The following MSH3 variants were observed in gnomAD, a reference collection of about 807,000 sequenced individuals.
MSH3 encodes the protein mutS homolog 3.
Under a neutral mutation model 123.3 loss-of-function variants are expected in MSH3, and 106 were observed. The observed-to-expected ratio is 0.86, with a 90% CI of 0.73 to 1.01. The LOEUF is 1.01. MSH3 is among the 50% of genes least tolerant of loss of function. The pLI, the probability that MSH3 is intolerant of heterozygous loss-of-function variation, is 0.00. For synonymous variants in MSH3, 515 were observed against 481.4 expected (o/e 1.07, Z -0.91); for missense variants, 1,459 against 1,347.6 (o/e 1.08, Z -1.29).
At chr5:80,738,024 A>G (rs1453902942) in intron 10 of MSH3, among the ~76,000 whole-genome samples, 1 of 152,224 alleles carries the variant, frequency 6.6e-6, no homozygotes, top group African/African-American at 2.4e-5. Flanking sequence ...AAAAACACCC[A>G]TAACCAACCA....
intron 12 of MSH3, among the ~76,000 whole-genome samples, chr5:80,745,955 G>A (rs1041107267): frequency 2.0e-5 from 3 of 151,676 alleles, no homozygotes; most frequent in Non-Finnish European, 4.4e-5. Context: ...GGGTTTTGCT[G>A]TTGTTTTCTT....
chr5:80,658,899 T>G (rs1330109194), intron 2 of MSH3, among the ~76,000 whole-genome samples: 2 of 152,096 alleles, frequency 1.3e-5, no homozygotes, highest in Admixed American at 6.5e-5. Context: ...ACCTGGCAAG[T>G]TTTTTGTTTT....
chr5:80,664,365 A>G (rs1561433948), intron 2 of MSH3, among the ~76,000 whole-genome samples: 1 of 152,150 alleles, frequency 6.6e-6, no homozygotes, highest in Non-Finnish European at 1.5e-5. Flanking sequence ...CGCTTGAGCT[A>G]GTAAGATTTC....
At chr5:80,866,146 T>A (rs1056581390) in intron 22 of MSH3, among the ~76,000 whole-genome samples, 14 of 152,194 alleles carry the variant, frequency 9.2e-5, no homozygotes, top group Non-Finnish European at 1.8e-4. Flanking sequence ...GATTTTAATT[T>A]TTGTGTTTTG....
intron 20 of MSH3, among the ~76,000 whole-genome samples, chr5:80,842,055 T>A (rs1403016033): frequency 1.3e-5 from 2 of 152,232 alleles, no homozygotes; most frequent in African/African-American, 4.8e-5. Flanking sequence ...CATGTAAGTA[T>A]TTAATCCATC....
At chr5:80,853,231 G>A (rs1745859758) in intron 20 of MSH3, among the ~76,000 whole-genome samples, 1 of 152,134 alleles carries the variant, frequency 6.6e-6, no homozygotes, top group Non-Finnish European at 1.5e-5. Context: ...CAGCACTTAG[G>A]GAGGCCAAGG....
At chr5:80,809,250 A>G (rs1744963875) in intron 19 of MSH3, among the ~76,000 whole-genome samples, 1 of 152,178 alleles carries the variant, frequency 6.6e-6, no homozygotes, top group Admixed American at 6.5e-5. Flanking sequence ...AAATGTATTT[A>G]GCCAATGGCT....
intron 21 of MSH3, among the ~76,000 whole-genome samples, chr5:80,859,495 A>G (rs1038332034): frequency 4.6e-5 from 7 of 152,144 alleles, no homozygotes; most frequent in African/African-American, 1.7e-4. Context: ...ACATACAGTT[A>G]GGTCTTATTT....
intron 8 of MSH3, among the ~76,000 whole-genome samples, chr5:80,692,816 AAT>A (rs1202150520): frequency 7.5e-6 from 1 of 133,324 alleles, no homozygotes; most frequent in African/African-American, 2.7e-5. Context: ...TGTTTAGATA[AAT>A]ATACATACAC....
chr5:80,841,186 A>G (rs1293136296), intron 20 of MSH3, among the ~76,000 whole-genome samples: 1 of 152,018 alleles, frequency 6.6e-6, no homozygotes, highest in Non-Finnish European at 1.5e-5. Context: ...ATAGTTTGTG[A>G]GAATGATGGT....
chr5:80,767,372 A>G (rs936705852), intron 13 of MSH3, among the ~76,000 whole-genome samples: 10 of 152,132 alleles, frequency 6.6e-5, no homozygotes, highest in African/African-American at 2.4e-4. Context: ...ACATCCTGTT[A>G]CATGGTTATT....
intron 17 of MSH3, among the ~76,000 whole-genome samples, chr5:80,786,001 G>T (rs1438888971): frequency 6.6e-6 from 1 of 151,206 alleles, no homozygotes; most frequent in Non-Finnish European, 1.5e-5. Context: ...TGGGGTGGGG[G>T]GAAGGGGGGA....
chr5:80,858,624 A>G (rs1050955794), intron 21 of MSH3, among the ~76,000 whole-genome samples: 3 of 152,154 alleles, frequency 2.0e-5, no homozygotes, highest in African/African-American at 4.8e-5. Context: ...TTTATGGCCC[A>G]AAATGTGGTC....
chr5:80,683,193 C>T (rs1362418173), intron 8 of MSH3, among the ~76,000 whole-genome samples: 1 of 152,168 alleles, frequency 6.6e-6, no homozygotes, highest in Non-Finnish European at 1.5e-5. Flanking sequence ...CTTCTATATA[C>T]TGATTTCCCT....
chr5:80,663,579 C>A (rs1650676), intron 2 of MSH3, among the ~76,000 whole-genome samples: 40,995 of 151,402 alleles, frequency 0.27, 5,751 homozygotes, highest in Middle Eastern at 0.35. Context: ...AGGAGGGAAA[C>A]TCTTTGTATA....
At chr5:80,852,631 G>C (rs890034069) in intron 20 of MSH3, among the ~76,000 whole-genome samples, 1 of 152,134 alleles carries the variant, frequency 6.6e-6, no homozygotes, top group Non-Finnish European at 1.5e-5. Context: ...ACCAGTATTC[G>C]AACTTTGAAA....
chr5:80,823,899 TTAATGAGCATGCTGCC>T (rs1309040745), intron 20 of MSH3, among the ~76,000 whole-genome samples: 1 of 152,002 alleles, frequency 6.6e-6, no homozygotes, highest in East Asian at 1.9e-4. Flanking sequence ...GTAATGACTC[TTAATGAGCATGCTGCC>T]TTCAAGCATC....
intron 19 of MSH3, among the ~76,000 whole-genome samples, chr5:80,798,692 T>C (rs1401921704): frequency 6.6e-6 from 1 of 152,244 alleles, no homozygotes; most frequent in Non-Finnish European, 1.5e-5. Context: ...ATTGTTTTCT[T>C]GTCAGTCCTT....
At chr5:80,748,691 T>TACACACAC (rs36206914) in intron 12 of MSH3, among the ~76,000 whole-genome samples, 3 of 147,360 alleles carry the variant, frequency 2.0e-5, no homozygotes, top group Admixed American at 6.8e-5. Context: ...ATTTTTTATT[T>TACACACAC]ACACACACAC....
Sources: gnomAD v4.1 joint callset for allele counts (sites outside exome capture counted in the v4.1 genomes callset) on GRCh38, gnomAD v4.1.1 for gene constraint, MANE v1.5 for transcripts, NCBI Gene and HGNC (gene_info 2026-07-23, HGNC 2026-07-21) for gene names.